Variants in CSMD3 observed in about 807,000 individuals in gnomAD.
CSMD3 encodes CUB and sushi domain-containing protein 3.
Under a neutral mutation model 435.2 loss-of-function variants are expected in CSMD3, and 177 were observed. The ratio of observed to expected loss-of-function variants is 0.41; its 90% CI spans 0.36 to 0.46. The LOEUF is 0.46. Ranked by LOEUF, CSMD3 falls within the 20% of genes least tolerant of loss-of-function variation. The pLI is 0.34. For missense variants in CSMD3, 4,265 were observed against 4,504.6 expected (o/e 0.95, Z 1.52); for synonymous variants, 1,656 against 1,520.5 (o/e 1.09, Z -2.07).
At chr8:113,403,013 GCACC>G (rs2094516856) in intron 1 of CSMD3, among the ~76,000 whole-genome samples, 1 of 151,150 alleles carries the variant, frequency 6.6e-6, no homozygotes, top group South Asian at 2.1e-4. Context: ...AAATACAATT[GCACC>G]CTCTGAATGT....
At chr8:113,176,224 G>A (rs2092344729) in intron 3 of CSMD3, among the ~76,000 whole-genome samples, 1 of 152,062 alleles carries the variant, frequency 6.6e-6, no homozygotes, top group Non-Finnish European at 1.5e-5. Flanking sequence ...TGTTGTTTGT[G>A]CCTGTTTATC....
At chr8:113,015,907 A>G (rs1464754899) in intron 6 of CSMD3, among the ~76,000 whole-genome samples, 6 of 151,882 alleles carry the variant, frequency 4.0e-5, no homozygotes, top group African/African-American at 7.2e-5. Flanking sequence ...TCCAAACACC[A>G]CAATTAAAGA....
chr8:113,002,783 C>A (rs1485932215), intron 6 of CSMD3, among the ~76,000 whole-genome samples: 1 of 152,040 alleles, frequency 6.6e-6, no homozygotes, highest in East Asian at 1.9e-4. Flanking sequence ...ACATGTTTTA[C>A]TAAGGATCAT....
chr8:112,600,673 GA>G (rs903648566), intron 22 of CSMD3, among the ~76,000 whole-genome samples: 23 of 151,896 alleles, frequency 1.5e-4, no homozygotes, highest in African/African-American at 5.1e-4. Flanking sequence ...TATATCTCAT[GA>G]TTTTTTTTTC....
intron 31 of CSMD3, among the ~76,000 whole-genome samples, chr8:112,490,339 A>G (rs1820558615): frequency 6.6e-6 from 1 of 152,178 alleles, no homozygotes; most frequent in Non-Finnish European, 1.5e-5. Flanking sequence ...GTAGATATGA[A>G]CTATTCAACC....
At chr8:112,905,664 G>A (rs1390458199) in intron 10 of CSMD3, among the ~76,000 whole-genome samples, 1 of 151,360 alleles carries the variant, frequency 6.6e-6, no homozygotes, top group Non-Finnish European at 1.5e-5. Flanking sequence ...TTCCTATAAT[G>A]CAACTTACTA....
At chr8:112,513,084 A>T (rs1294453766) in intron 28 of CSMD3, among the ~76,000 whole-genome samples, 3 of 152,168 alleles carry the variant, frequency 2.0e-5, no homozygotes, top group African/African-American at 7.2e-5. Context: ...TTGATCTTCT[A>T]TTCAGACCAC....
intron 36 of CSMD3, among the ~76,000 whole-genome samples, chr8:112,386,936 T>C (rs1033962905): frequency 9.2e-5 from 14 of 152,370 alleles, no homozygotes; most frequent in African/African-American, 3.1e-4. Flanking sequence ...ATCTATCATA[T>C]AACTGTTCAA....
intron 31 of CSMD3, among the ~76,000 whole-genome samples, chr8:112,489,026 A>T (rs921442802): frequency 6.6e-6 from 1 of 152,100 alleles, no homozygotes; most frequent in Non-Finnish European, 1.5e-5. Context: ...AGATAAAAAT[A>T]AAAAAATTAT....
chr8:112,940,943 A>C (rs113000090), intron 9 of CSMD3, among the ~76,000 whole-genome samples: 5,115 of 151,858 alleles, frequency 0.034, 147 homozygotes, highest in Middle Eastern at 0.051. Context: ...ACATTTATTG[A>C]GCTCTCTTTG....
chr8:113,277,889 C>G (rs1448990686), intron 3 of CSMD3, among the ~76,000 whole-genome samples: 1 of 149,910 alleles, frequency 6.7e-6, no homozygotes, highest in Non-Finnish European at 1.5e-5. Flanking sequence ...TTTTAAAAAG[C>G]AAAACATGTA....
At chr8:112,508,939 A>G (rs1326636572) in intron 28 of CSMD3, among the ~76,000 whole-genome samples, 1 of 152,210 alleles carries the variant, frequency 6.6e-6, no homozygotes, top group African/African-American at 2.4e-5. Context: ...AAGGAGGAAA[A>G]TGTTTCTTAT....
chr8:113,211,288 C>T (rs1348734898), intron 3 of CSMD3, among the ~76,000 whole-genome samples: 8 of 152,090 alleles, frequency 5.3e-5, no homozygotes, highest in Non-Finnish European at 1.0e-4. Flanking sequence ...TCTAACTATA[C>T]AATGGCTAGT....
Position 112,921,633 on chromosome 8 carries a change from A to C in CSMD3, c.1627T>G (p.Cys543Gly). 6.2e-7 allele frequency: 1 copy of C among 1,612,482 alleles called. No individual in the cohort carries two copies. Among genetic ancestry groups the C allele is most frequent in the Non-Finnish European group, 8.5e-7 (1 of 1,178,758 alleles). ...FAAWSDHRPV[C>G]KVKTCGSNLQ... ...CATTATTATAAAACATTACCTTTAC[A>C]CACAGGCCTGTGATCACTCCAAGCA... The change falls in exon 10 of 71, where the codon TGT (cysteine) becomes GGT (glycine). Residue 543 changes from cysteine (C) to glycine (G), a missense_variant. Cys to Gly is a radical substitution (Grantham distance 159). Coordinates refer to ENST00000297405, the MANE Select transcript of CSMD3 (RefSeq NM_198123.2).
At chr8:112,225,099 C>G (rs1812450257) in intron 70 of CSMD3, among the ~76,000 whole-genome samples, 169 bp from the exon 71 acceptor site, 1 of 152,040 alleles carries the variant, frequency 6.6e-6, no homozygotes, top group African/African-American at 2.4e-5. Context: ...ACTTTAAAAA[C>G]CTGAGTGACT....
chr8:112,357,720 C>T (rs1826769907), intron 38 of CSMD3, among the ~76,000 whole-genome samples: 1 of 152,096 alleles, frequency 6.6e-6, no homozygotes, highest in Admixed American at 6.6e-5. Flanking sequence ...CCTGAGAGTA[C>T]ACAGAAGTCA....
chr8:113,024,611 A>G (rs1363939754), intron 5 of CSMD3, among the ~76,000 whole-genome samples: 1 of 152,104 alleles, frequency 6.6e-6, no homozygotes, highest in Non-Finnish European at 1.5e-5. Context: ...CATCTTTGCT[A>G]ACACCTCTTT....
At chr8:112,976,779 T>C (rs2084864599) in intron 6 of CSMD3, among the ~76,000 whole-genome samples, 1 of 152,116 alleles carries the variant, frequency 6.6e-6, no homozygotes, top group Non-Finnish European at 1.5e-5. Flanking sequence ...CTTTCTACTA[T>C]TTTTAAGTAA....
rs546516456 is a variant in CSMD3 at position 112,620,974 on chromosome 8, T to C, written c.3715+15843A>G. Among the ~76,000 whole-genome samples the C allele has an allele frequency of 3.3e-4, 50 of 152,280 alleles. 1 individual carries two copies. Among genetic ancestry groups the C allele is most frequent in the Non-Finnish European group, 4.4e-5 (3 of 68,008 alleles). ...ATGGCAGGCCAGGTGCAGTCGCTCA[T>C]GCCTGTAATCCCAGCACTTTGGTAG... On this transcript the variant is annotated intron_variant, in intron 22 of 70. Coordinates refer to ENST00000297405, the MANE Select transcript of CSMD3 (RefSeq NM_198123.2).
Sources: gnomAD v4.1 joint callset for allele counts (sites outside exome capture counted in the v4.1 genomes callset) on GRCh38, gnomAD v4.1.1 for gene constraint, MANE v1.5 for transcripts, NCBI Gene and HGNC (gene_info 2026-07-23, HGNC 2026-07-21) for gene names.